The following PHKA2 variants were observed in gnomAD, a reference collection of about 807,000 sequenced individuals.
The protein encoded by PHKA2 is phosphorylase b kinase regulatory subunit alpha, liver isoform.
In PHKA2, 31 loss-of-function variants were observed where a neutral mutation model predicts 102.0. The ratio of observed to expected loss-of-function variants is 0.30; its 90% CI spans 0.23 to 0.41. PHKA2 has a LOEUF of 0.41. Among genes scored for constraint, PHKA2 ranks in the 10% least tolerant of loss-of-function variants. PHKA2 has a pLI of 1.00. For missense variants in PHKA2, 858 were observed against 1,023.1 expected (o/e 0.84, Z 2.20); for synonymous variants, 455 against 416.2 (o/e 1.09, Z -1.13).
chrX:18,935,065 C>T (rs1181741844), intron 11 of PHKA2, among the ~76,000 whole-genome samples: 1 of 112,423 alleles, frequency 8.9e-6, no homozygotes, highest in Non-Finnish European at 1.9e-5. Context: ...CTCCTCCAGG[C>T]CCTGGCGATT....
At chrX:18,980,998 A>C (rs1000674917) in intron 1 of PHKA2, among the ~76,000 whole-genome samples, 1 of 112,304 alleles carries the variant, frequency 8.9e-6, no homozygotes. Flanking sequence ...CCTCCTAAAC[A>C]TCTGCACAAA....
chrX:18,909,213 T>A (rs1601714744), intron 20 of PHKA2, among the ~76,000 whole-genome samples: 1 of 111,963 alleles, frequency 8.9e-6, no homozygotes, highest in East Asian at 2.8e-4. Context: ...ACCTCTGGTG[T>A]TAGGAATCAT....
At chrX:18,914,908 T>C (rs943318251) in intron 19 of PHKA2, among the ~76,000 whole-genome samples, 8 of 111,303 alleles carry the variant, frequency 7.2e-5, no homozygotes, top group Non-Finnish European at 1.5e-4. Context: ...GAGCAGGGCA[T>C]TTGAAGGAGG....
At chrX:18,927,525 T>C (rs769375312) in intron 13 of PHKA2, among the ~76,000 whole-genome samples, 1 of 112,348 alleles carries the variant, frequency 8.9e-6, no homozygotes, top group South Asian at 3.7e-4. Flanking sequence ...TTAAGTACAA[T>C]CATTGTACTC....
chrX:18,896,249 G>A (rs2047550427), intron 30 of PHKA2: 1 of 112,504 alleles, frequency 8.9e-6, no homozygotes, highest in South Asian at 3.7e-4. Context: ...AAAAGACAGG[G>A]AGGGCCTGGT....
chrX:18,942,688 T>A (rs1458600662), intron 7 of PHKA2, among the ~76,000 whole-genome samples: 3 of 107,515 alleles, frequency 2.8e-5, no homozygotes, highest in African/African-American at 1.0e-4. Flanking sequence ...ACAAAAAAAT[T>A]AAAAAAAAAT....
intron 9 of PHKA2, 77 bp from the exon 10 acceptor site, chrX:18,938,826 C>T: frequency 1.0e-6 from 1 of 970,498 alleles, no homozygotes; most frequent in Non-Finnish European, 1.5e-6. Context: ...CATGGGGTTT[C>T]CCATGCTTGA....
chrX:18,950,999 G>T, intron 4 of PHKA2, 105 bp downstream of exon 4: 1 of 790,200 alleles, frequency 1.3e-6, no homozygotes, highest in Non-Finnish European at 1.9e-6. Flanking sequence ...TATTAAAGCA[G>T]TGAAGCAGCA....
intron 10 of PHKA2, among the ~76,000 whole-genome samples, chrX:18,936,631 G>A (rs1271425548): frequency 8.9e-6 from 1 of 112,173 alleles, no homozygotes; most frequent in Admixed American, 9.4e-5. Context: ...CTCTTGGTAA[G>A]TTTTCCACTT....
chrX:18,951,714 G>A (rs139290406), intron 3 of PHKA2, among the ~76,000 whole-genome samples: 62 of 111,623 alleles, frequency 5.6e-4, no homozygotes, highest in African/African-American at 1.9e-3. Flanking sequence ...TTTTGTCTTC[G>A]TCTTTGAATT....
intron 11 of PHKA2, among the ~76,000 whole-genome samples, chrX:18,932,407 T>C (rs1046627838): frequency 2.7e-5 from 3 of 111,074 alleles, no homozygotes; most frequent in African/African-American, 9.8e-5. Flanking sequence ...CATCACATCA[T>C]TGGTTGGGGG....
chrX:18,970,862 C>T (rs772457369), intron 1 of PHKA2, among the ~76,000 whole-genome samples: 2 of 112,620 alleles, frequency 1.8e-5, no homozygotes, highest in Non-Finnish European at 3.7e-5. Flanking sequence ...TGCAGTTCCA[C>T]ATGGCCCTGT....
At position 18,961,319 on chromosome X, in the gene PHKA2, T is replaced by C. The variant is rs1601789752; in HGVS notation, c.79-6907A>G. ...AAAGTATAGACATTCTCTGTCTATA[T>C]ATATTTGTATTATACATAGCTAATA... On this transcript the variant is annotated intron_variant, in intron 1 of 32. Transcript: ENST00000379942. 2.7e-5 allele frequency among the ~76,000 whole-genome samples: 3 copies of C among 112,511 alleles called. No homozygotes were observed. The South Asian group carries it at 1.1e-3, about 41-fold the overall frequency.
In PHKA2 at chrX:18,895,185, C is replaced by T. The variant is rs145952475; in HGVS notation, c.3289G>A (p.Gly1097Ser). 70 of 1,208,744 alleles carry T rather than the reference C, an allele frequency of 5.8e-5. No individual in the cohort carries two copies. The highest frequency in any genetic ancestry group is 2.0e-4 in the Admixed American group (9 of 45,828). The change falls in exon 31 of 33, where the codon GGT (glycine) becomes AGT (serine). Residue 1097 changes from glycine (G) to serine (S), a missense_variant. This residue lies in a region of PHKA2 where 671 missense variants were observed against 745.2 expected (regional missense o/e 0.90). Coordinates refer to ENST00000379942, the MANE Select transcript of PHKA2 (RefSeq NM_000292.3). ...AGGACATAACCATCGATGGAGAGAC[C>T]GTGGCACTGGAGGCAGAATAGAGCG... ...RVWKILQKCH[G>S]LSIDGYVLPS... is the part of the protein sequence containing the mutation.
chrX:18,929,218 G>A lies in PHKA2; in HGVS notation c.1324+10C>T, dbSNP rs367662209. The A allele has an allele frequency of 3.6e-6, 4 of 1,100,284 alleles. No individual in the cohort carries two copies. Among genetic ancestry groups the A allele is most frequent in the East Asian group, 3.2e-5 (1 of 31,008 alleles). The allele number at this position is 1,100,284 out of a possible 1,213,427, so 90.7% of individuals were successfully genotyped here. On this transcript the variant is annotated intron_variant, in intron 13 of 32. Coordinates refer to ENST00000379942, the MANE Select transcript of PHKA2 (RefSeq NM_000292.3). ...AAAGTTAAATATGAACAGTAAACAC[G>A]CTCACAAACCTTGTACTACAACATC...
chrX:18,982,914 G>A (rs925396344), intron 1 of PHKA2, among the ~76,000 whole-genome samples: 8 of 112,169 alleles, frequency 7.1e-5, no homozygotes, highest in Admixed American at 1.9e-4. Context: ...ACTGCACTAC[G>A]ATCATTTATT....
chrX:18,893,157 T>C lies in PHKA2; in HGVS notation c.*328A>G. The stretch of plus-strand genomic sequence containing the variant: ...GCAAGAGCCAATTTAAGCTGGCGTC[T>C]CAGTTCCCTCTGCACTCAAAAGAGA... On this transcript the variant is annotated 3_prime_UTR_variant, in exon 33 of 33. Coordinates refer to ENST00000379942, the MANE Select transcript of PHKA2 (RefSeq NM_000292.3). The C allele has an allele frequency of 3.1e-6, 1 of 323,219 alleles. No individual in the cohort carries two copies. Among genetic ancestry groups the C allele is most frequent in the Non-Finnish European group, 5.6e-6 (1 of 180,013 alleles). The allele number at this position is 323,219 out of a possible 1,213,427, so 26.6% of individuals were successfully genotyped here. A position where few individuals can be genotyped will look rare whatever the true frequency, so the allele number is the denominator to read the frequency against.
intron 20 of PHKA2, 67 bp from the exon 21 acceptor site, chrX:18,909,001 T>C (rs1253666773): frequency 8.4e-7 from 1 of 1,187,603 alleles, no homozygotes. Context: ...GATCAAGAAG[T>C]GAAACACCAA....
At chrX:18,912,611 A>T (rs112081548) in intron 19 of PHKA2, among the ~76,000 whole-genome samples, 8,916 of 95,339 alleles carry the variant, frequency 0.094, 869 homozygotes, top group African/African-American at 0.3. Context: ...TACTAAAATT[A>T]AAAAAAAAAA....
Sources: gnomAD v4.1 joint callset for allele counts (sites outside exome capture counted in the v4.1 genomes callset) on GRCh38, gnomAD v4.1.1 for gene constraint, gnomAD v4.1.1 regional missense constraint, MANE v1.5 for transcripts, NCBI Gene and HGNC (gene_info 2026-07-23, HGNC 2026-07-21) for gene names.